Variants in RAB5A observed in about 807,000 individuals in gnomAD.
RAB5A encodes ras-related protein Rab-5A.
RAB5A carries 8 observed loss-of-function variants against 25.7 expected under a neutral mutation model. The ratio of observed to expected loss-of-function variants is 0.31; its 90% CI spans 0.18 to 0.56. RAB5A has a LOEUF of 0.56. RAB5A is among the 20% of genes least tolerant of loss of function. RAB5A has a pLI of 0.91. For synonymous variants in RAB5A, 98 were observed against 89.8 expected (o/e 1.09, Z -0.52); for missense variants, 192 against 259.7 (o/e 0.74, Z 1.79).
At chr3:19,975,567 A>C (rs374443689) in intron 2 of RAB5A, 34 bp from the exon 3 acceptor site, 6 of 1,597,862 alleles carry the variant, frequency 3.8e-6, no homozygotes, top group Non-Finnish European at 5.1e-6. Flanking sequence ...ATTTGGAGAA[A>C]AATGATTGAC....
chr3:19,975,390 A>G (rs1696808461), intron 2 of RAB5A: 3 of 438,970 alleles, frequency 6.8e-6, no homozygotes, highest in South Asian at 7.3e-5. Context: ...ATTTAAAGCT[A>G]TTATCAGCTG....
chr3:19,966,021 C>A (rs1301026904), intron 2 of RAB5A, among the ~76,000 whole-genome samples: 1 of 152,164 alleles, frequency 6.6e-6, no homozygotes, highest in Admixed American at 6.5e-5. Flanking sequence ...AACCACTGCG[C>A]CTTACCCAGA....
intron 2 of RAB5A, 133 bp downstream of exon 2, chr3:19,951,194 T>G: frequency 9.8e-7 from 1 of 1,025,036 alleles, no homozygotes; most frequent in East Asian, 2.5e-5. Context: ...TCAGCTTACC[T>G]TAGCTTTAAA....
At chr3:19,956,135 C>T (rs1298546628) in intron 2 of RAB5A, among the ~76,000 whole-genome samples, 2 of 152,132 alleles carry the variant, frequency 1.3e-5, no homozygotes, top group South Asian at 4.1e-4. Context: ...TTTCTTGTCA[C>T]AAATGATCAA....
At chr3:19,975,279 A>G (rs1241099939) in intron 2 of RAB5A, among the ~76,000 whole-genome samples, 1 of 152,104 alleles carries the variant, frequency 6.6e-6, no homozygotes, top group African/African-American at 2.4e-5. Context: ...TATTATAACA[A>G]GCTTTTTTAA....
chr3:19,955,750 G>T (rs1696491686), intron 2 of RAB5A, among the ~76,000 whole-genome samples: 1 of 152,092 alleles, frequency 6.6e-6, no homozygotes, highest in African/African-American at 2.4e-5. Context: ...AATTAGCCAG[G>T]CATGGTGGCG....
chr3:19,968,203 A>G (rs1276653021), intron 2 of RAB5A, among the ~76,000 whole-genome samples: 1 of 151,890 alleles, frequency 6.6e-6, no homozygotes, highest in Admixed American at 6.6e-5. Flanking sequence ...TTTAGTTTTA[A>G]TTTAATTGCT....
At chr3:19,982,546 G>A (rs1453854793) in intron 5 of RAB5A, among the ~76,000 whole-genome samples, 1 of 152,122 alleles carries the variant, frequency 6.6e-6, no homozygotes, top group African/African-American at 2.4e-5. Flanking sequence ...CAAGGTGTAA[G>A]TTTCTCTTTT....
At chr3:19,956,034 A>G (rs930454001) in intron 2 of RAB5A, among the ~76,000 whole-genome samples, 3 of 152,210 alleles carry the variant, frequency 2.0e-5, no homozygotes, top group African/African-American at 7.2e-5. Context: ...TTAGGAAAGT[A>G]TGATCCCTCT....
rs1242791305 is a variant in RAB5A at position 19,947,506 on chromosome 3, C to T, written c.-109C>T. On this transcript the variant is annotated 5_prime_UTR_variant, in exon 1 of 6. Coordinates refer to ENST00000273047, the MANE Select transcript of RAB5A (RefSeq NM_004162.5). ...AGGAAGCTTCGGCCCCGCAGCTCGG[C>T]TTGCTGCGGTCTCAGGTAACCGAAC... The T allele has an allele frequency of 6.5e-6, 1 of 152,788 alleles. No individual in the cohort carries two copies. The highest frequency in any genetic ancestry group is 2.4e-5 in the African/African-American group (1 of 41,454). The allele number at this position is 152,788 out of a possible 1,614,324, so 9.5% of individuals were successfully genotyped here. A position where few individuals can be genotyped will look rare whatever the true frequency, so the allele number is the denominator to read the frequency against.
chr3:19,953,463 A>AGTGGT (rs1476474047), intron 2 of RAB5A, among the ~76,000 whole-genome samples: 8 of 144,132 alleles, frequency 5.6e-5, no homozygotes, highest in Non-Finnish European at 9.0e-5. Context: ...GCTGGAGTGC[A>AGTGGT]GTGGTGTAGC....
Position 19,975,666 on chromosome 3 carries a change from G to C in RAB5A, c.229G>C (p.Ala77Pro). Residue 77 changes from alanine to proline, a missense_variant, in exon 3 of 6, where the codon GCT becomes CCT. By Grantham distance (27) the Ala-to-Pro change is conservative. Transcript: ENST00000273047. Reference protein sequence around the residue: ...TTVKFEIWDTAGQERYHSLAP... With the variant: ...TTVKFEIWDTPGQERYHSLAP... ...AGTAAAGTTTGAAATATGGGATACAGCTGGTCAAGAACGATACCATAGCCT... is the reference window on the plus strand; with the variant it reads ...AGTAAAGTTTGAAATATGGGATACACCTGGTCAAGAACGATACCATAGCCT... 6.2e-7 allele frequency: 1 copy of C among 1,613,914 alleles called. No individual in the cohort carries two copies. Among genetic ancestry groups the C allele is most frequent in the Non-Finnish European group, 8.5e-7 (1 of 1,179,872 alleles).
In RAB5A at chr3:19,983,901, C is replaced by T; in HGVS notation, c.*78C>T. ...CAATGGAATTGGAGCATTTAACCAG[C>T]CCAGTATGACTTCCAAAAGAAGAGA... On this transcript the variant is annotated 3_prime_UTR_variant, in exon 6 of 6. Transcript: ENST00000273047. 3.3e-6 allele frequency: 3 copies of T among 911,096 alleles called. No homozygotes were observed. Among genetic ancestry groups the T allele is most frequent in the Non-Finnish European group, 5.1e-6 (3 of 587,784 alleles). 56.4% of individuals were successfully genotyped at this position (911,096 alleles called of 1,614,324 possible). A position where few individuals can be genotyped will look rare whatever the true frequency, so the allele number is the denominator to read the frequency against.
At chr3:19,953,533 A>T (rs1696455907) in intron 2 of RAB5A, among the ~76,000 whole-genome samples, 1 of 150,252 alleles carries the variant, frequency 6.7e-6, no homozygotes, top group Non-Finnish European at 1.5e-5. Flanking sequence ...TCAGCCCCCC[A>T]AGTAGCTGGG....
chr3:19,963,379 G>A (rs1285690061), intron 2 of RAB5A, among the ~76,000 whole-genome samples: 233 of 22,170 alleles, frequency 0.011, 7 homozygotes, highest in African/African-American at 0.039. Context: ...CCCCCCCCCC[G>A]ACTTATTTTC....
In RAB5A at chr3:19,977,656, A is replaced by G. The variant is rs142140249; in HGVS notation, c.439-654A>G. Reference sequence around the variant, plus strand: ...GTGGCAGAGAAAACACTTAAATTACAGTCAGAAGTGGCCCTGTCACATAAC... The same window carrying G: ...GTGGCAGAGAAAACACTTAAATTACGGTCAGAAGTGGCCCTGTCACATAAC... On this transcript the variant is annotated intron_variant, in intron 4 of 5. Transcript: ENST00000273047. Among the ~76,000 whole-genome samples the G allele has an allele frequency of 3.2e-3, 493 of 152,326 alleles. 1 individual carries two copies. The highest frequency in any genetic ancestry group is 0.011 in the African/African-American group (466 of 41,576).
chr3:19,975,050 A>AC (rs1696803165), intron 2 of RAB5A, among the ~76,000 whole-genome samples: 1 of 152,136 alleles, frequency 6.6e-6, no homozygotes, highest in South Asian at 2.1e-4. Context: ...ACATGGTGAA[A>AC]CCCCATCTCT....
chr3:19,964,070 GT>G (rs1437364778), intron 2 of RAB5A, among the ~76,000 whole-genome samples: 14 of 152,322 alleles, frequency 9.2e-5, no homozygotes, highest in African/African-American at 2.9e-4. Context: ...TATGTGCTAG[GT>G]TCTTGAACCA....
rs754401679 is a variant in RAB5A at position 19,976,108 on chromosome 3, T to C, written c.377T>C (p.Ile126Thr). ...KELQRQASPN[I>T]VIALSGNKAD... ...CTTCAGAGGCAAGCAAGTCCTAACA[T>C]TGTAATAGCTTTATCGGGAAACAAG... The change falls in exon 4 of 6, where the codon ATT (isoleucine) becomes ACT (threonine). Residue 126 changes from isoleucine to threonine, a missense_variant. Coordinates refer to ENST00000273047, the MANE Select transcript of RAB5A (RefSeq NM_004162.5). 2 of 1,613,154 alleles carry C rather than the reference T, an allele frequency of 1.2e-6. No homozygotes were observed. Among genetic ancestry groups the C allele is most frequent in the South Asian group, 1.1e-5 (1 of 90,884 alleles).
Sources: gnomAD v4.1 joint callset for allele counts (sites outside exome capture counted in the v4.1 genomes callset) on GRCh38, gnomAD v4.1.1 for gene constraint, MANE v1.5 for transcripts, NCBI Gene and HGNC (gene_info 2026-07-23, HGNC 2026-07-21) for gene names.